LRRK1: variants seen among roughly 807,000 people sequenced by gnomAD.
The protein encoded by LRRK1 is leucine-rich repeat serine/threonine-protein kinase 1.
LRRK1 carries 113 observed loss-of-function variants against 209.1 expected under a neutral mutation model. The ratio of observed to expected loss-of-function variants is 0.54; its 90% CI spans 0.46 to 0.63. The LOEUF (loss-of-function observed/expected upper bound fraction) is 0.63. LRRK1 is among the 30% of genes least tolerant of loss of function. The pLI is 0.00. For synonymous variants in LRRK1, 1,144 were observed against 1,099.7 expected, an observed-to-expected ratio of 1.04 and a Z score of -0.80; for missense variants, 2,284 against 2,632.2, an observed-to-expected ratio of 0.87 and a Z score of 2.89.
chr15:100,928,322 C>G (rs146425175), intron 2 of LRRK1, among the ~76,000 whole-genome samples: 63 of 152,262 alleles, frequency 4.1e-4, no homozygotes, highest in African/African-American at 1.5e-3. Context: ...CTGATCCCCC[C>G]GCAGGACTCA....
At chr15:100,987,761 C>G (rs553834115) in intron 4 of LRRK1, among the ~76,000 whole-genome samples, 1 of 152,030 alleles carries the variant, frequency 6.6e-6, no homozygotes, top group Non-Finnish European at 1.5e-5. Context: ...CAAACTGAAA[C>G]AGAGAGAGAT....
At chr15:101,035,929 A>G (rs927534892) in intron 20 of LRRK1, among the ~76,000 whole-genome samples, 5 of 152,172 alleles carry the variant, frequency 3.3e-5, no homozygotes, top group Non-Finnish European at 7.4e-5. Context: ...GGGCCAGTCT[A>G]TTAGTGACAT....
At chr15:100,944,952 A>G (rs2042507919) in intron 2 of LRRK1, among the ~76,000 whole-genome samples, 1 of 152,222 alleles carries the variant, frequency 6.6e-6, no homozygotes, top group African/African-American at 2.4e-5. Context: ...CACAAAATGT[A>G]GCTGATCGCA....
intron 13 of LRRK1, 145 bp downstream of exon 13, chr15:101,021,327 G>A: frequency 3.5e-6 from 3 of 845,100 alleles, no homozygotes; most frequent in Non-Finnish European, 3.6e-6. Flanking sequence ...TTCGGAACAG[G>A]GCTTGATCAA....
At chr15:100,970,414 G>A (rs559575209) in intron 2 of LRRK1, among the ~76,000 whole-genome samples, 1 of 152,308 alleles carries the variant, frequency 6.6e-6, no homozygotes, top group East Asian at 1.9e-4. Context: ...TTTTCCCATT[G>A]TACTGCTTTG....
chr15:101,048,450 A>G, intron 21 of LRRK1, 44 bp from the exon 22 acceptor site: 1 of 1,565,570 alleles, frequency 6.4e-7, no homozygotes, highest in Non-Finnish European at 8.6e-7. Flanking sequence ...AGGGCCAGCG[A>G]GGAGCCCAGA....
chr15:101,025,865 G>C, intron 16 of LRRK1, 100 bp from the exon 17 acceptor site: 1 of 1,295,382 alleles, frequency 7.7e-7, no homozygotes, highest in Non-Finnish European at 1.1e-6. Context: ...AGCAAGGGCC[G>C]TGGCATCCAG....
chr15:101,065,065 C>T (rs1362038099), intron 31 of LRRK1: 2 of 468,968 alleles, frequency 4.3e-6, no homozygotes, highest in Non-Finnish European at 3.8e-6. Flanking sequence ...AGAGGCAGCC[C>T]ATGTGGTCCA....
At chr15:101,067,415 G>A in intron 33 of LRRK1, 1 of 400,166 alleles carries the variant, frequency 2.5e-6, no homozygotes, top group South Asian at 1.8e-5. Flanking sequence ...AAAGTCCTCA[G>A]TTCAAATGTG....
intron 20 of LRRK1, among the ~76,000 whole-genome samples, chr15:101,033,614 CAG>C (rs2034375083): frequency 6.6e-6 from 1 of 152,190 alleles, no homozygotes. Flanking sequence ...TTCTCTTTTA[CAG>C]CCAAGTAGTA....
chr15:101,016,170 G>A (rs1435362412), intron 12 of LRRK1, among the ~76,000 whole-genome samples: 3 of 151,756 alleles, frequency 2.0e-5, no homozygotes, highest in Non-Finnish European at 4.4e-5. Flanking sequence ...TTGTATTTTT[G>A]GAGATGAGCC....
At position 101,024,464 on chromosome 15, in the gene LRRK1, G is replaced by C. The variant is rs911725809; in HGVS notation, c.2068-339G>C. On this transcript the variant is annotated intron_variant, in intron 15 of 33. Coordinates refer to ENST00000388948, the MANE Select transcript of LRRK1 (RefSeq NM_024652.6). This position sits in a 1 kb window ranked among gnomAD's most constrained non-coding sequence, Gnocchi z 4.6. ...TGGCACACAGGGAGGCTGAACCCCAGTGCAAGCCGTGACATCAGAGCACAG... is the reference window on the plus strand; with the variant it reads ...TGGCACACAGGGAGGCTGAACCCCACTGCAAGCCGTGACATCAGAGCACAG... Among the ~76,000 whole-genome samples, 2 of 152,174 alleles carry C rather than the reference G, an allele frequency of 1.3e-5. No individual in the cohort carries two copies. The highest frequency in any genetic ancestry group is 4.8e-5 in the African/African-American group (2 of 41,438).
Position 101,027,797 on chromosome 15 carries a change from G to T in LRRK1, c.2686G>T (p.Ala896Ser). The T allele has an allele frequency of 6.3e-7, 1 of 1,574,908 alleles. No homozygotes were observed. Among genetic ancestry groups the T allele is most frequent in the Non-Finnish European group, 8.6e-7 (1 of 1,159,546 alleles). ...CAAGGACTACGAGGACCTGCAGTCA[G>T]GTGGGTGGGGCTGGGGTAGGTGGCA... ...DIKDYEDLQS[A>S]ISFLIETGTL... The change falls in exon 19 of 34, where the codon GCC becomes TCC. Residue 896 changes from alanine to serine, a missense_variant and splice_region_variant. By Grantham distance (99) the Ala-to-Ser change is moderately conservative (BLOSUM62 1). This residue lies in a region of LRRK1 where 780 missense variants were observed against 985.2 expected (regional missense o/e 0.79). Coordinates refer to ENST00000388948, the MANE Select transcript of LRRK1 (RefSeq NM_024652.6). This position sits in a 1 kb window ranked among gnomAD's most constrained non-coding sequence, Gnocchi z 5.1.
At chr15:101,063,430 C>G (rs985475046) in intron 31 of LRRK1, among the ~76,000 whole-genome samples, 3 of 152,348 alleles carry the variant, frequency 2.0e-5, no homozygotes, top group Non-Finnish European at 4.4e-5. Context: ...CGATTCAGTT[C>G]TCAAGACCCG....
At chr15:100,949,107 G>A (rs1056931403) in intron 2 of LRRK1, among the ~76,000 whole-genome samples, 4 of 152,058 alleles carry the variant, frequency 2.6e-5, no homozygotes, top group African/African-American at 9.7e-5. Flanking sequence ...AAAAACCAAC[G>A]ATTTTTGTTG....
intron 2 of LRRK1, among the ~76,000 whole-genome samples, chr15:100,960,812 A>G (rs1461173164): frequency 2.0e-5 from 3 of 152,224 alleles, no homozygotes; most frequent in Non-Finnish European, 4.4e-5. Context: ...GAAAGAATTC[A>G]TCTTCATAGC....
rs137984554 is a variant in LRRK1, at chr15:101,073,108, T to A, written c.*4260T>A. ...TCCAGTAAGCAGCCTCTTTTTACTC[T>A]CTTCTCCAACCTCCCTCACTATCCC... On this transcript the variant is annotated 3_prime_UTR_variant, in exon 34 of 34. Coordinates refer to ENST00000388948, the MANE Select transcript of LRRK1 (RefSeq NM_024652.6). 0.035 allele frequency: 5,982 copies of A among 170,542 alleles called. 378 individuals are homozygous for A. The highest frequency in any genetic ancestry group is 0.13 in the African/African-American group (5,557 of 41,770). 10.6% of individuals were successfully genotyped at this position (170,542 alleles called of 1,614,324 possible).
chr15:100,968,775 T>G (rs1185469070), intron 2 of LRRK1, among the ~76,000 whole-genome samples: 1 of 144,480 alleles, frequency 6.9e-6, no homozygotes, highest in Non-Finnish European at 1.5e-5. Context: ...CCTTCCCCTT[T>G]CCTTCCCCTT....
rs2036888063 is a variant in LRRK1, at chr15:101,073,837, C to A, written c.*4989C>A. 6.6e-6 allele frequency: 1 copy of A among 152,142 alleles called. No homozygotes were observed. 9.4% of individuals were successfully genotyped at this position (152,142 alleles called of 1,614,324 possible). ...TCCATTCCTCCTTCTTCTCCCTTAG[C>A]CTATGTTCTCAAAAACTTAAAACCT... On this transcript the variant is annotated 3_prime_UTR_variant, in exon 34 of 34. Coordinates refer to ENST00000388948, the MANE Select transcript of LRRK1 (RefSeq NM_024652.6).
Sources: gnomAD v4.1 joint callset for allele counts (sites outside exome capture counted in the v4.1 genomes callset) on GRCh38, gnomAD v4.1.1 for gene constraint, gnomAD v4.1.1 regional missense constraint, Gnocchi (gnomAD v3.1) non-coding constraint, MANE v1.5 for transcripts, NCBI Gene and HGNC (gene_info 2026-07-23, HGNC 2026-07-21) for gene names.